The following BRD3 variants were observed in gnomAD, a reference collection of about 807,000 sequenced individuals.
The protein encoded by BRD3 is bromodomain containing 3.
Under a neutral mutation model 66.8 loss-of-function variants are expected in BRD3, and 17 were observed. The ratio of observed to expected loss-of-function variants is 0.25; its 90% CI spans 0.17 to 0.38. The LOEUF is 0.38. Among genes scored for constraint, BRD3 ranks in the 10% least tolerant of loss-of-function variants. BRD3 has a pLI of 1.00. For missense variants in BRD3, 713 were observed against 956.1 expected, an observed-to-expected ratio of 0.75 and a Z score of 3.35; for synonymous variants, 421 against 393.2, an observed-to-expected ratio of 1.07 and a Z score of -0.84.
chr9:134,057,110 C>T (rs1430309763), intron 1 of BRD3: 1 of 152,260 alleles, frequency 6.6e-6, no homozygotes, highest in Non-Finnish European at 1.5e-5. Context: ...CGACCAGAGC[C>T]CATGCACCTT....
At chr9:134,039,947 GC>G (rs1168485347) in intron 9 of BRD3, 86 bp downstream of exon 9, 13 of 1,495,870 alleles carry the variant, frequency 8.7e-6, no homozygotes, top group African/African-American at 1.4e-5. Flanking sequence ...AAGGCACAAA[GC>G]CCCCAATCCC....
chr9:134,040,157 T>C lies in BRD3; in HGVS notation c.1520A>G (p.Glu507Gly). ...KEKKKKDKEK[E>G]KEKHKVKAEE... The stretch of plus-strand genomic sequence containing the variant: ...GGCCTTCACTTTGTGCTTCTCCTTC[T>C]CCTTCTCCTTGTCCTTCTTCTTCTT... Residue 507 changes from glutamate to glycine, a missense_variant, in exon 9 of 12, where the codon GAG becomes GGG. Glu to Gly is a moderately conservative substitution (Grantham distance 98, BLOSUM62 -2). Transcript: ENST00000303407. The C allele has an allele frequency of 6.4e-7, 1 of 1,563,016 alleles. No individual in the cohort carries two copies. The highest frequency in any genetic ancestry group is 8.7e-7 in the Non-Finnish European group (1 of 1,154,064).
intron 6 of BRD3, among the ~76,000 whole-genome samples, chr9:134,046,781 CAG>C (rs1830179907): frequency 6.6e-6 from 1 of 152,186 alleles, no homozygotes; most frequent in South Asian, 2.1e-4. Context: ...CATGCCAGGA[CAG>C]ATAGAGGTGG....
intron 1 of BRD3, among the ~76,000 whole-genome samples, chr9:134,060,620 A>ACACACG (rs759183590): frequency 2.0e-5 from 3 of 148,614 alleles, no homozygotes; most frequent in African/African-American, 7.4e-5. Flanking sequence ...ACACACACAC[A>ACACACG]CGATCTGGAA....
chr9:134,035,940 C>T (rs1829898552), intron 10 of BRD3, 92 bp downstream of exon 10: 6 of 1,483,706 alleles, frequency 4.0e-6, no homozygotes, highest in Non-Finnish European at 5.4e-6. Context: ...TGTGCCCAAG[C>T]TCGCCGCACA....
At position 134,031,593 on chromosome 9, in the gene BRD3, A is replaced by C; in HGVS notation, c.*1997T>G. On this transcript the variant is annotated 3_prime_UTR_variant, in exon 12 of 12. Transcript: ENST00000303407. ...TAAAAGTTTAACAAACTGGCTGAAAACTCACCAAGTGTCAGACTCACCAGC... is the reference window on the plus strand; with the variant it reads ...TAAAAGTTTAACAAACTGGCTGAAACCTCACCAAGTGTCAGACTCACCAGC... 1 of 211,090 alleles carries C rather than the reference A, an allele frequency of 4.7e-6. No homozygotes were observed. The highest frequency in any genetic ancestry group is 9.6e-6 in the Non-Finnish European group (1 of 104,248). 13.1% of individuals were successfully genotyped at this position (211,090 alleles called of 1,614,324 possible). A position where few individuals can be genotyped will look rare whatever the true frequency, so the allele number is the denominator to read the frequency against.
chr9:134,042,652 CACACACACACACACACACATATATAT>C (rs1275955862), intron 7 of BRD3, among the ~76,000 whole-genome samples: 5 of 138,784 alleles, frequency 3.6e-5, no homozygotes, highest in South Asian at 4.6e-4. Context: ...TATATACACA[CACACACACACACACACACATATATAT>C]ACACACACAC....
intron 7 of BRD3, among the ~76,000 whole-genome samples, chr9:134,042,676 T>TAC (rs1360389052): frequency 2.1e-5 from 3 of 141,462 alleles, no homozygotes; most frequent in African/African-American, 7.5e-5. Flanking sequence ...CACACATATA[T>TAC]ATACACACAC....
intron 1 of BRD3, among the ~76,000 whole-genome samples, chr9:134,063,950 T>C (rs1354900156): frequency 6.6e-5 from 10 of 151,734 alleles, no homozygotes; most frequent in Admixed American, 6.6e-4. Flanking sequence ...CTCAGTACCT[T>C]GGGGGCCTGC....
At chr9:134,049,192 G>A (rs535810563) in intron 5 of BRD3, among the ~76,000 whole-genome samples, 6 of 152,276 alleles carry the variant, frequency 3.9e-5, no homozygotes, top group South Asian at 4.1e-4. Flanking sequence ...CATGTTTAAC[G>A]TCCAGGCCTC....
chr9:134,040,042 C>A lies in BRD3; in HGVS notation c.1635G>T (p.Thr545=), dbSNP rs146519689. 6.3e-7 allele frequency: 1 copy of A among 1,589,642 alleles called. No individual in the cohort carries two copies. Among genetic ancestry groups the A allele is most frequent in the Non-Finnish European group, 8.5e-7 (1 of 1,170,608 alleles). The change falls in exon 9 of 12, where the codon ACG becomes ACT. Residue 545 remains threonine (T), a synonymous_variant. Coordinates refer to ENST00000303407, the MANE Select transcript of BRD3 (RefSeq NM_007371.4). Reference sequence around the variant, plus strand: ...GCAGGTCTGGAGCCCACCTGCCGGCCGTGGTCGTGCTGTTGGCCTTCTTGG... The same window carrying A: ...GCAGGTCTGGAGCCCACCTGCCGGCAGTGGTCGTGCTGTTGGCCTTCTTGG... ...APAKKANSTT[T]AGRQLKKGGK...
Position 134,033,988 on chromosome 9 carries a change from C to T in BRD3, c.2066-283G>A, listed in dbSNP as rs534485753. ...CCACCAGTCACATGGCCACCAGCAG[C>T]GACAGGAACACCAGCTGCTGGCGTT... On this transcript the variant is annotated intron_variant, in intron 11 of 11. Transcript: ENST00000303407. This position sits in a 1 kb window ranked among gnomAD's most constrained non-coding sequence, Gnocchi z 5.1. 3.9e-5 allele frequency among the ~76,000 whole-genome samples: 6 copies of T among 152,292 alleles called. No homozygotes were observed. Among genetic ancestry groups the T allele is most frequent in the South Asian group, 2.1e-4 (1 of 4,830 alleles).
upstream of BRD3, chr9:134,068,222 G>A (rs2132469384): frequency 6.9e-6 from 1 of 145,864 alleles, no homozygotes; most frequent in Admixed American, 6.8e-5. Flanking sequence ...GAGCGGGCCT[G>A]GCCCGGGGGG....
chr9:134,036,511 T>A, intron 9 of BRD3, 187 bp from the exon 10 acceptor site: 2 of 1,599,336 alleles, frequency 1.3e-6, no homozygotes, highest in Non-Finnish European at 1.7e-6. Flanking sequence ...TTTCCAGCCC[T>A]TGGCCAGGAA....
chr9:134,065,083 T>C (rs190057920), intron 1 of BRD3, among the ~76,000 whole-genome samples: 7 of 152,348 alleles, frequency 4.6e-5, no homozygotes, highest in African/African-American at 1.7e-4. Context: ...TCTACCATGA[T>C]TCATCCAGTT....
chr9:134,034,858 T>C, intron 10 of BRD3, 29 bp from the exon 11 acceptor site: 1 of 1,609,384 alleles, frequency 6.2e-7, no homozygotes, highest in Non-Finnish European at 8.5e-7. Flanking sequence ...GCACTCAGAC[T>C]GCAGAGCAGA....
intron 1 of BRD3, among the ~76,000 whole-genome samples, chr9:134,059,948 G>A (rs1341054521): frequency 6.6e-6 from 1 of 152,196 alleles, no homozygotes; most frequent in Non-Finnish European, 1.5e-5. Flanking sequence ...CAGGCCTGGG[G>A]AGCCAGATGT....
At position 134,033,800 on chromosome 9, in the gene BRD3, G is replaced by T. The variant is rs443876; in HGVS notation, c.2066-95C>A. The T allele has an allele frequency of 0.68, 420,597 of 621,844 alleles. 144,272 individuals are homozygous for T. The highest frequency in any genetic ancestry group is 0.82 in the African/African-American group (44,873 of 54,970). The allele number at this position is 621,844 out of a possible 1,614,324, so 38.5% of individuals were successfully genotyped here. A position where few individuals can be genotyped will look rare whatever the true frequency, so the allele number is the denominator to read the frequency against. On this transcript the variant is annotated intron_variant, in intron 11 of 11. Coordinates refer to ENST00000303407, the MANE Select transcript of BRD3 (RefSeq NM_007371.4). This position sits in a 1 kb window ranked among gnomAD's most constrained non-coding sequence, Gnocchi z 5.1. ...ATGCCAGCGTGACACCATCACACTGGGTGCCACGACCCACCCACTTCCTGA... is the reference window on the plus strand; with the variant it reads ...ATGCCAGCGTGACACCATCACACTGTGTGCCACGACCCACCCACTTCCTGA...
chr9:134,042,722 CACATATATAT>C (rs1425908358), intron 7 of BRD3, among the ~76,000 whole-genome samples: 3 of 147,718 alleles, frequency 2.0e-5, no homozygotes, highest in South Asian at 2.2e-4. Context: ...CACATATATA[CACATATATAT>C]ACACACATAT....
Sources: allele counts gnomAD v4.1 joint callset (sites outside exome capture counted in the v4.1 genomes callset), GRCh38; gene constraint gnomAD v4.1.1; non-coding constraint Gnocchi (gnomAD v3.1); transcripts MANE v1.5; gene names NCBI Gene and HGNC (gene_info 2026-07-23, HGNC 2026-07-21).